The following SMARCAL1 variants were observed in gnomAD, a reference collection of about 807,000 sequenced individuals.
The protein encoded by SMARCAL1 is ATP-driven annealing helicase.
In SMARCAL1, 58 loss-of-function variants were observed where a neutral mutation model predicts 94.5. That is an observed-to-expected ratio of 0.61 (90% CI 0.50 to 0.76). SMARCAL1 has a LOEUF of 0.76. Among genes scored for constraint, SMARCAL1 ranks in the 30% least tolerant of loss-of-function variants. The pLI is 0.00. For synonymous variants in SMARCAL1, 422 were observed against 455.1 expected, an observed-to-expected ratio of 0.93 and a Z score of 0.93; for missense variants, 1,051 against 1,177.9, an observed-to-expected ratio of 0.89 and a Z score of 1.58.
At chr2:216,450,012 T>A (rs541797659) in intron 11 of SMARCAL1, among the ~76,000 whole-genome samples, 2 of 152,092 alleles carry the variant, frequency 1.3e-5, no homozygotes, top group African/African-American at 2.4e-5. Flanking sequence ...AATTTTTGTA[T>A]GTTTAGTAGA....
intron 13 of SMARCAL1, 110 bp from the exon 14 acceptor site, chr2:216,467,834 G>T: frequency 1.3e-6 from 1 of 757,118 alleles, no homozygotes. Context: ...GAAAACTGTT[G>T]ATCATCTTCT....
intron 12 of SMARCAL1, among the ~76,000 whole-genome samples, chr2:216,455,261 T>G (rs1477255967): frequency 6.6e-6 from 1 of 152,194 alleles, no homozygotes; most frequent in African/African-American, 2.4e-5. Flanking sequence ...CTCTGTAGAC[T>G]CCACCTCTGG....
At chr2:216,433,895 G>A (rs533957596) in intron 8 of SMARCAL1, among the ~76,000 whole-genome samples, 28 of 149,698 alleles carry the variant, frequency 1.9e-4, no homozygotes, top group Admixed American at 1.9e-3. Context: ...CCAAGGCCCA[G>A]ATGTGCTATT....
intron 12 of SMARCAL1, among the ~76,000 whole-genome samples, chr2:216,455,609 G>A (rs1694547960): frequency 6.6e-6 from 1 of 152,198 alleles, no homozygotes; most frequent in Non-Finnish European, 1.5e-5. Flanking sequence ...TGGTCCTCCA[G>A]CAAACTCCAA....
intron 2 of SMARCAL1, 93 bp downstream of exon 2, chr2:216,413,985 A>G (rs1233783693): frequency 6.6e-6 from 1 of 152,214 alleles, no homozygotes; most frequent in African/African-American, 2.4e-5. Context: ...TTACGTTGCA[A>G]TGCATAACTT....
In SMARCAL1 at chr2:216,475,557, A is replaced by G. The variant is rs1695056894; in HGVS notation, c.2427+106A>G. 9.7e-6 allele frequency: 11 copies of G among 1,129,072 alleles called. No individual in the cohort carries two copies. Among genetic ancestry groups the G allele is most frequent in the East Asian group, 2.4e-5 (1 of 42,202 alleles). The allele number at this position is 1,129,072 out of a possible 1,614,324, so 69.9% of individuals were successfully genotyped here. ...AGTGTGGTTTCCCTTTTATCCATTC[A>G]TTATACTTCCCACAAGTCAGTTTTC... On this transcript the variant is annotated intron_variant, in intron 15 of 17. Coordinates refer to ENST00000357276, the MANE Select transcript of SMARCAL1 (RefSeq NM_014140.4). This position sits in a 1 kb window ranked among gnomAD's most constrained non-coding sequence, Gnocchi z 4.4.
chr2:216,467,493 G>T (rs972664095), intron 13 of SMARCAL1, among the ~76,000 whole-genome samples: 1 of 138,886 alleles, frequency 7.2e-6, no homozygotes, highest in East Asian at 2.0e-4. Context: ...AAAAAAAAAA[G>T]GGTGGGAAGC....
At chr2:216,478,646 C>G (rs1336111251) in intron 17 of SMARCAL1, among the ~76,000 whole-genome samples, 1 of 152,156 alleles carries the variant, frequency 6.6e-6, no homozygotes, top group East Asian at 1.9e-4. Flanking sequence ...GGAATGCATC[C>G]CCAGCACAGA....
rs2066527 is a variant in SMARCAL1 at position 216,451,064 on chromosome 2, T to C, written c.2070T>C (p.Thr690=). ...AGGAAATGACCACCAAGGACAAAAC[T>C]GTGAGTCCAGGGCTGGAGACAGATT... ...AAKEMTTKDK[T]KQQQKDALIL... Residue 690 remains threonine, a splice_region_variant and synonymous_variant, in exon 12 of 18, where the codon ACT becomes ACC. Transcript: ENST00000357276. 0.12 allele frequency: 193,204 copies of C among 1,612,622 alleles called. 12,913 individuals are homozygous for C. Among genetic ancestry groups the C allele is most frequent in the South Asian group, 0.19 (17,497 of 91,032 alleles).
At chr2:216,426,923 T>A (rs1693846746) in intron 6 of SMARCAL1, 1 of 152,232 alleles carries the variant, frequency 6.6e-6, no homozygotes, top group African/African-American at 2.4e-5. Context: ...CCTGAGTACG[T>A]GAATGCTCAT....
intron 5 of SMARCAL1, among the ~76,000 whole-genome samples, chr2:216,421,235 G>A (rs190568058): frequency 8.5e-5 from 13 of 152,210 alleles, no homozygotes; most frequent in African/African-American, 3.1e-4. Flanking sequence ...TTAATCTTCC[G>A]ATAAGCCTAA....
intron 12 of SMARCAL1, among the ~76,000 whole-genome samples, chr2:216,455,180 A>C (rs1468028863): frequency 6.6e-6 from 1 of 152,194 alleles, no homozygotes; most frequent in Non-Finnish European, 1.5e-5. Flanking sequence ...CTGAGGCTTG[A>C]GTAGGTAAAC....
intron 10 of SMARCAL1, chr2:216,446,545 C>G (rs976588717): frequency 2.6e-6 from 1 of 386,124 alleles, no homozygotes; most frequent in Admixed American, 2.9e-5. Context: ...CAGATCCACT[C>G]TGGAGGAAGT....
rs66931264 is a variant in SMARCAL1 at position 216,450,693 on chromosome 2, A to G, written c.1852-153A>G. 0.097 allele frequency among the ~76,000 whole-genome samples: 14,697 copies of G among 151,320 alleles called. 884 individuals carry two copies. The highest frequency in any genetic ancestry group is 0.19 in the South Asian group (899 of 4,778). On this transcript the variant is annotated intron_variant, in intron 11 of 17. Transcript: ENST00000357276. Reference sequence around the variant, plus strand: ...TTCCTTTCCATTTCTCATTTGTTTTATTGGGGGTTTATTTGTCCCTGTAAG... The same window carrying G: ...TTCCTTTCCATTTCTCATTTGTTTTGTTGGGGGTTTATTTGTCCCTGTAAG...
chr2:216,423,664 G>A lies in SMARCAL1; in HGVS notation c.1128G>A (p.Leu376=), dbSNP rs794727801. ...AGACCAGGAAGTGGAGCTTTCTCTTGGAAGAGCACAGTAAACTAAGTGAGA... is the reference window on the plus strand; with the variant it reads ...AGACCAGGAAGTGGAGCTTTCTCTTAGAAGAGCACAGTAAACTAAGTGAGA... ...DVKTRKWSFL[L]EEHSKLIAKV... is the part of the protein sequence containing the mutation. The change falls in exon 6 of 18, where the codon TTG becomes TTA. Residue 376 remains leucine (L), a synonymous_variant. Transcript: ENST00000357276. 1 of 1,613,928 alleles carries A rather than the reference G, an allele frequency of 6.2e-7. No homozygotes were observed. The highest frequency in any genetic ancestry group is 8.5e-7 in the Non-Finnish European group (1 of 1,179,842).
Position 216,415,631 on chromosome 2 carries a change from A to T in SMARCAL1, c.811+116A>T. The T allele has an allele frequency of 9.0e-6, 9 of 1,002,922 alleles. No homozygotes were observed. In the South Asian group the frequency reaches 1.3e-4, roughly 15 times the overall value. The allele number at this position is 1,002,922 out of a possible 1,614,324, so 62.1% of individuals were successfully genotyped here. A position where few individuals can be genotyped will look rare whatever the true frequency, so the allele number is the denominator to read the frequency against. On this transcript the variant is annotated intron_variant, in intron 3 of 17. Transcript: ENST00000357276. ...GTGCATTGGCACATGCTGTCCATCC[A>T]GTTGTTAAAAATTTTTCAATTTTAG...
intron 10 of SMARCAL1, among the ~76,000 whole-genome samples, chr2:216,445,395 G>T (rs1419254740): frequency 6.6e-6 from 1 of 152,070 alleles, no homozygotes; most frequent in South Asian, 2.1e-4. Flanking sequence ...CATTGGCAAC[G>T]CTCCCATCAC....
chr2:216,416,003 T>C, intron 3 of SMARCAL1: 2 of 462,026 alleles, frequency 4.3e-6, no homozygotes, highest in Non-Finnish European at 8.0e-6. Context: ...TGGATTCTAG[T>C]CCTAACTCTG....
chr2:216,417,402 G>A (rs539988828), intron 4 of SMARCAL1, among the ~76,000 whole-genome samples: 46 of 152,174 alleles, frequency 3.0e-4, no homozygotes, highest in Non-Finnish European at 5.1e-4. Flanking sequence ...GAGATTGGTA[G>A]GGTTGGTTTC....
Sources: allele counts gnomAD v4.1 joint callset (sites outside exome capture counted in the v4.1 genomes callset), GRCh38; gene constraint gnomAD v4.1.1; non-coding constraint Gnocchi (gnomAD v3.1); transcripts MANE v1.5; gene names NCBI Gene and HGNC (gene_info 2026-07-23, HGNC 2026-07-21).